TLK2: variants seen among roughly 807,000 people sequenced by gnomAD.
The protein encoded by TLK2 is tousled like kinase 2, also known as serine/threonine-protein kinase tousled-like 2.
A neutral mutation model predicts 117.3 loss-of-function variants in TLK2; 6 were observed. The observed-to-expected ratio is 0.05, with a 90% CI of 0.03 to 0.10. The LOEUF is 0.10. TLK2 is among the 10% of genes least tolerant of loss of function. The pLI is 1.00. For missense variants in TLK2, 299 were observed against 901.2 expected (o/e 0.33, Z 8.56); for synonymous variants, 257 against 316.7 (o/e 0.81, Z 2.00).
intron 16 of TLK2, among the ~76,000 whole-genome samples, chr17:62,588,475 T>C (rs1453093040): frequency 1.3e-5 from 2 of 152,214 alleles, no homozygotes; most frequent in Non-Finnish European, 2.9e-5. Flanking sequence ...CTAAGTTCTT[T>C]CCATTCAAGT....
intron 7 of TLK2, among the ~76,000 whole-genome samples, chr17:62,546,127 C>T (rs1161507007): frequency 1.3e-5 from 2 of 151,986 alleles, no homozygotes; most frequent in Non-Finnish European, 2.9e-5. Flanking sequence ...AGTGATCTGC[C>T]CGCCTTGGCC....
intron 6 of TLK2, among the ~76,000 whole-genome samples, chr17:62,532,408 G>A (rs1212567595): frequency 6.6e-6 from 1 of 152,172 alleles, no homozygotes; most frequent in Non-Finnish European, 1.5e-5. Flanking sequence ...TCATCAATGG[G>A]TATCACAGGT....
At chr17:62,543,529 C>G (rs1255431927) in intron 7 of TLK2, among the ~76,000 whole-genome samples, 3 of 152,104 alleles carry the variant, frequency 2.0e-5, no homozygotes, top group Admixed American at 1.3e-4. Context: ...TTATAGCCAT[C>G]CTAGTGGGTG....
At chr17:62,472,922 C>G (rs2070968812) in intron 1 of TLK2, among the ~76,000 whole-genome samples, 1 of 152,138 alleles carries the variant, frequency 6.6e-6, no homozygotes, top group South Asian at 2.1e-4. Context: ...AATTCAGAAA[C>G]AGTGGCTGTC....
chr17:62,540,042 CTCCTCCTCT>C (rs1403428277), intron 7 of TLK2, among the ~76,000 whole-genome samples: 2 of 151,694 alleles, frequency 1.3e-5, no homozygotes, highest in Non-Finnish European at 2.9e-5. Flanking sequence ...CCTCCTCCTC[CTCCTCCTCT>C]TCCTCTTCTT....
intron 7 of TLK2, among the ~76,000 whole-genome samples, chr17:62,543,256 C>G (rs1598471752): frequency 6.6e-6 from 1 of 152,000 alleles, no homozygotes; most frequent in African/African-American, 2.4e-5. Context: ...TTTTACCAGT[C>G]GATGGACATT....
chr17:62,577,256 T>TGCCTG (rs2080876790), intron 13 of TLK2, among the ~76,000 whole-genome samples: 1 of 152,118 alleles, frequency 6.6e-6, no homozygotes, highest in Non-Finnish European at 1.5e-5. Flanking sequence ...TGAGCCACCA[T>TGCCTG]GCCTGGCCTA....
intron 9 of TLK2, among the ~76,000 whole-genome samples, chr17:62,558,684 C>T (rs1478909267): frequency 6.6e-6 from 1 of 152,198 alleles, no homozygotes; most frequent in Non-Finnish European, 1.5e-5. Flanking sequence ...TTGGTAATCA[C>T]ACTTACCCAA....
intron 2 of TLK2, among the ~76,000 whole-genome samples, chr17:62,484,952 G>T (rs2072166293): frequency 6.6e-6 from 1 of 152,152 alleles, no homozygotes; most frequent in Non-Finnish European, 1.5e-5. Context: ...AGCTACCTGG[G>T]AGGCTGAGGC....
chr17:62,497,132 C>T (rs2073779619), intron 2 of TLK2, among the ~76,000 whole-genome samples: 2 of 151,752 alleles, frequency 1.3e-5, no homozygotes, highest in Admixed American at 1.3e-4. Context: ...GTGGCGTGTG[C>T]CTATAGTCCC....
At chr17:62,534,963 A>G (rs973478214) in intron 6 of TLK2, among the ~76,000 whole-genome samples, 4 of 133,140 alleles carry the variant, frequency 3.0e-5, no homozygotes, top group African/African-American at 1.2e-4. Flanking sequence ...ATCTGGGCTC[A>G]CTGCAACTTC....
chr17:62,573,398 C>A, intron 12 of TLK2, 31 bp downstream of exon 12: 1 of 1,602,590 alleles, frequency 6.2e-7, no homozygotes, highest in Non-Finnish European at 8.5e-7. Context: ...AACGCTGAGA[C>A]ACCACACCCT....
chr17:62,481,654 T>G (rs2071663440), intron 2 of TLK2, among the ~76,000 whole-genome samples: 1 of 152,170 alleles, frequency 6.6e-6, no homozygotes, highest in South Asian at 2.1e-4. Context: ...ACCCCCAGAC[T>G]GGTTTGTTGC....
chr17:62,565,313 G>A (rs886461350), intron 11 of TLK2, among the ~76,000 whole-genome samples, 176 bp downstream of exon 11: 10 of 152,088 alleles, frequency 6.6e-5, no homozygotes, highest in African/African-American at 2.4e-4. Context: ...GAAAAAAAAC[G>A]ACACAAGTAA....
chr17:62,580,289 T>G (rs953815713), intron 15 of TLK2, 97 bp downstream of exon 15: 3 of 856,164 alleles, frequency 3.5e-6, no homozygotes, highest in African/African-American at 3.5e-5. Flanking sequence ...TAGGTTGATA[T>G]CCATTGGTTG....
At chr17:62,581,742 G>A (rs571301478) in intron 15 of TLK2, among the ~76,000 whole-genome samples, 4 of 152,046 alleles carry the variant, frequency 2.6e-5, no homozygotes, top group Non-Finnish European at 5.9e-5. Flanking sequence ...CTGGCTTCTA[G>A]TATCTTATTT....
In TLK2 at chr17:62,602,073, T is replaced by C; in HGVS notation, c.1752T>C (p.Cys584=). The C allele has an allele frequency of 6.2e-7, 1 of 1,612,824 alleles. No individual in the cohort carries two copies. The highest frequency in any genetic ancestry group is 8.5e-7 in the Non-Finnish European group (1 of 1,179,686). The stretch of plus-strand genomic sequence containing the variant: ...TTCTTTTAGTAAATGGTACAGCGTG[T>C]GGAGAGATAAAAATTACAGATTTTG... ...GNILLVNGTA[C]GEIKITDFGL... The change falls in exon 19 of 22, where the codon TGT becomes TGC. Residue 584 remains cysteine, a synonymous_variant. Coordinates refer to ENST00000346027, the MANE Select transcript of TLK2 (RefSeq NM_006852.6).
At chr17:62,471,982 T>C (rs2070951261) in intron 1 of TLK2, among the ~76,000 whole-genome samples, 1 of 136,676 alleles carries the variant, frequency 7.3e-6, no homozygotes, top group African/African-American at 2.7e-5. Flanking sequence ...TTCGGCTCAC[T>C]GCAAGTTCTG....
intron 11 of TLK2, among the ~76,000 whole-genome samples, chr17:62,571,745 A>G (rs1223799920): frequency 1.3e-5 from 2 of 152,158 alleles, no homozygotes; most frequent in African/African-American, 4.8e-5. Flanking sequence ...GTGGGTATCT[A>G]CCTTAGAGTA....
Sources: allele counts gnomAD v4.1 joint callset (sites outside exome capture counted in the v4.1 genomes callset), GRCh38; gene constraint gnomAD v4.1.1; transcripts MANE v1.5; gene names NCBI Gene and HGNC (gene_info 2026-07-23, HGNC 2026-07-21).